Variants in CHFR observed in about 807,000 individuals in gnomAD.
The protein encoded by CHFR is checkpoint with forkhead and ring finger domains.
In CHFR, 57 loss-of-function variants were observed where a neutral mutation model predicts 87.6. The ratio of observed to expected loss-of-function variants is 0.65; its 90% CI spans 0.53 to 0.81. CHFR has a LOEUF of 0.81. Among genes scored for constraint, CHFR ranks in the 30% least tolerant of loss-of-function variants. The pLI, the probability that CHFR is intolerant of heterozygous loss-of-function variation, is 0.00. For synonymous variants in CHFR, 381 were observed against 359.2 expected, an observed-to-expected ratio of 1.06 and a Z score of -0.69; for missense variants, 797 against 865.8, an observed-to-expected ratio of 0.92 and a Z score of 1.00.
At chr12:132,848,378 C>T in intron 13 of CHFR, 1 of 851,364 alleles carries the variant, frequency 1.2e-6, no homozygotes, top group Non-Finnish European at 1.9e-6. Flanking sequence ...AGCACCTGGT[C>T]TTGGTATCGT....
chr12:132,861,380 T>C (rs1257297954), intron 7 of CHFR, 87 bp downstream of exon 7: 1 of 1,375,962 alleles, frequency 7.3e-7, no homozygotes, highest in Non-Finnish European at 1.0e-6. Flanking sequence ...CAGGAAGCAA[T>C]GCCCCACAGC....
chr12:132,887,271 G>A lies in CHFR; in HGVS notation c.58C>T (p.Leu20=), dbSNP rs1250940821. Residue 20 remains leucine, a synonymous_variant, in exon 2 of 18, where the codon CTG becomes TTG. Transcript: ENST00000450056. ...TCGCCCTCCTCCGCGCCCAGACGCA[G>A]GAGCCGTCCCCAGGGCTGCGGCGGC... The part of the protein sequence containing the change: ...SPPPQPWGRL[L]RLGAEEGEPH... The A allele has an allele frequency of 4.7e-6, 7 of 1,499,418 alleles. No individual in the cohort carries two copies. The highest frequency in any genetic ancestry group is 2.9e-5 in the African/African-American group (2 of 68,696). The allele number at this position is 1,499,418 out of a possible 1,614,324, so 92.9% of individuals were successfully genotyped here.
intron 2 of CHFR, among the ~76,000 whole-genome samples, chr12:132,879,459 C>T (rs9630294): frequency 0.15 from 22,596 of 149,744 alleles, 2,232 homozygotes; most frequent in Admixed American, 0.21. Context: ...GGCACGATCT[C>T]AGCTCACTGC....
intron 6 of CHFR, chr12:132,866,211 G>C (rs1951332059): frequency 6.6e-6 from 1 of 152,174 alleles, no homozygotes; most frequent in Admixed American, 6.5e-5. Flanking sequence ...CTGCAACTTA[G>C]TGTCCCCAAT....
Position 132,851,676 on chromosome 12 carries a change from C to A in CHFR, c.1434G>T (p.Gln478His), listed in dbSNP as rs775978433. The A allele has an allele frequency of 1.9e-5, 31 of 1,613,318 alleles. No homozygotes were observed. The highest frequency in any genetic ancestry group is 2.3e-5 in the Non-Finnish European group (27 of 1,179,968). The change falls in exon 12 of 18, where the codon CAG becomes CAT. Residue 478 changes from glutamine (Q) to histidine (H), a missense_variant. Transcript: ENST00000450056. ...GSHALCTCCF[Q>H]PMPDRRAERE... Reference sequence around the variant, plus strand: ...GCTCCGCTCTCCGGTCGGGCATGGGCTGGAAGCAGCAGGTGCACAGGGCGT... The same window carrying A: ...GCTCCGCTCTCCGGTCGGGCATGGGATGGAAGCAGCAGGTGCACAGGGCGT...
Position 132,834,256 on chromosome 12 carries a change from T to G in CHFR, c.*7298A>C, listed in dbSNP as rs1400328673. On this transcript the variant is annotated 3_prime_UTR_variant, in exon 18 of 18. Transcript: ENST00000450056. ...CATCAGGTCAGCAGTTAGAGCTGAGTGTCTGCCACAGAGACCTAGAGCTAC... is the reference window on the plus strand; with the variant it reads ...CATCAGGTCAGCAGTTAGAGCTGAGGGTCTGCCACAGAGACCTAGAGCTAC... 6.6e-6 allele frequency: 1 copy of G among 152,272 alleles called. No individual in the cohort carries two copies. The highest frequency in any genetic ancestry group is 1.5e-5 in the Non-Finnish European group (1 of 68,142). The allele number at this position is 152,272 out of a possible 1,614,324, so 9.4% of individuals were successfully genotyped here.
Position 132,887,296 on chromosome 12 carries a change from C to G in CHFR, c.33G>C (p.Pro11=), listed in dbSNP as rs1566211828. The change falls in exon 2 of 18, where the codon CCG becomes CCC. Residue 11 remains proline (P), a synonymous_variant. Coordinates refer to ENST00000450056, the MANE Select transcript of CHFR (RefSeq NM_001161346.2). Reference sequence around the variant, plus strand: ...GGAGCCGTCCCCAGGGCTGCGGCGGCGGCGACTGCTTGCCTTCCTCGGGCC... The same window carrying G: ...GGAGCCGTCCCCAGGGCTGCGGCGGGGGCGACTGCTTGCCTTCCTCGGGCC... MERPEEGKQS[P]PPQPWGRLLR... 2 of 1,483,224 alleles carry G rather than the reference C, an allele frequency of 1.3e-6. No individual in the cohort carries two copies. The highest frequency in any genetic ancestry group is 2.4e-5 in the Admixed American group (1 of 42,278). 91.9% of individuals were successfully genotyped at this position (1,483,224 alleles called of 1,614,324 possible).
chr12:132,878,370 G>A (rs1242105763), intron 2 of CHFR, among the ~76,000 whole-genome samples: 1 of 151,820 alleles, frequency 6.6e-6, no homozygotes, highest in Non-Finnish European at 1.5e-5. Flanking sequence ...TTGGGAGGCT[G>A]AGGCAGGAGA....
intron 9 of CHFR, 134 bp from the exon 10 acceptor site, chr12:132,856,764 G>T (rs1951079306): frequency 9.9e-7 from 1 of 1,015,088 alleles, no homozygotes; most frequent in East Asian, 2.4e-5. Context: ...ACGTGCCCGG[G>T]TGCTGGTGGA....
In CHFR at chr12:132,877,582, G is replaced by C; in HGVS notation, c.206C>G (p.Ser69Ter). 1 of 1,612,896 alleles carries C rather than the reference G, an allele frequency of 6.2e-7. No homozygotes were observed. The highest frequency in any genetic ancestry group is 8.5e-7 in the Non-Finnish European group (1 of 1,179,220). ...GGTATCTTCCAGTGTCACCTGACCTGATTTTTCATCCACTACAATTCTACA... is the reference window on the plus strand; with the variant it reads ...GGTATCTTCCAGTGTCACCTGACCTCATTTTTCATCCACTACAATTCTACA... ...DHCRIVVDEKSGQVTLEDTST... is the reference protein window; with the variant it reads ...DHCRIVVDEK The change falls in exon 3 of 18, where the codon TCA becomes TGA. Residue 69 changes from serine to a stop codon, truncating the protein, a stop_gained. Transcript: ENST00000450056. LOFTEE classifies it high-confidence loss of function.
chr12:132,850,052 C>G (rs889698266), intron 12 of CHFR: 3 of 152,136 alleles, frequency 2.0e-5, no homozygotes, highest in African/African-American at 4.8e-5. Context: ...CTCCCGGGTT[C>G]ACGCCATTCT....
In CHFR at chr12:132,843,058, G is replaced by T; in HGVS notation, c.1869C>A (p.Cys623Ter). ...GAGTGCGGCAGTTACGGCCCCAGTA[G>T]CAGTCAGGACGGGATGTTACGGCCA... is the stretch of plus-strand genomic sequence containing the variant. ...LPVAVTSRPD[C>*]YWGRNCRTQV... Residue 623 changes from cysteine to a stop codon, truncating the protein, a stop_gained, in exon 17 of 18, where the codon TGC (cysteine) becomes TGA (stop). Coordinates refer to ENST00000450056, the MANE Select transcript of CHFR (RefSeq NM_001161346.2). LOFTEE classifies it high-confidence loss of function. 2 of 1,613,560 alleles carry T rather than the reference G, an allele frequency of 1.2e-6. No homozygotes were observed. The highest frequency in any genetic ancestry group is 1.7e-6 in the Non-Finnish European group (2 of 1,179,812).
chr12:132,846,436 G>A (rs929224562), intron 15 of CHFR, among the ~76,000 whole-genome samples: 8 of 151,690 alleles, frequency 5.3e-5, no homozygotes, highest in South Asian at 2.1e-4. Flanking sequence ...CTAATTTTTT[G>A]TATTTTTCTT....
At position 132,883,331 on chromosome 12, in the gene CHFR, A is replaced by AAT. The variant is rs530385569; in HGVS notation, c.133+3864_133+3865insAT. Among the ~76,000 whole-genome samples, 305 of 151,196 alleles carry AAT rather than the reference A, an allele frequency of 2.0e-3. 3 individuals are homozygous for AAT. The highest frequency in any genetic ancestry group is 1.6e-3 in the East Asian group (8 of 5,104). ...ATCCCAGCTACTCTGGATGCTGAGG[A>AAT]AGGAGAATCACTTGAACCTGGGAGG... On this transcript the variant is annotated intron_variant, in intron 2 of 17. Coordinates refer to ENST00000450056, the MANE Select transcript of CHFR (RefSeq NM_001161346.2).
intron 2 of CHFR, among the ~76,000 whole-genome samples, chr12:132,880,594 C>T (rs1372872818): frequency 1.3e-5 from 2 of 150,084 alleles, no homozygotes; most frequent in Non-Finnish European, 2.9e-5. Context: ...GGAGGTGGAG[C>T]TTGCAGTGAG....
Position 132,833,583 on chromosome 12 carries a change from T to C in CHFR, c.*7971A>G, listed in dbSNP as rs1050160853. The C allele has an allele frequency of 2.0e-5, 3 of 151,912 alleles. No individual in the cohort carries two copies. Among genetic ancestry groups the C allele is most frequent in the African/African-American group, 7.3e-5 (3 of 41,322 alleles). The allele number at this position is 151,912 out of a possible 1,614,324, so 9.4% of individuals were successfully genotyped here. A position where few individuals can be genotyped will look rare whatever the true frequency, so the allele number is the denominator to read the frequency against. ...CCTGGAATCCCAGCACTGTGGGAGGTAGAGGCGGGCAGATCGCTTGAACTC... is the reference window on the plus strand; with the variant it reads ...CCTGGAATCCCAGCACTGTGGGAGGCAGAGGCGGGCAGATCGCTTGAACTC... On this transcript the variant is annotated 3_prime_UTR_variant, in exon 18 of 18. Coordinates refer to ENST00000450056, the MANE Select transcript of CHFR (RefSeq NM_001161346.2).
intron 2 of CHFR, among the ~76,000 whole-genome samples, chr12:132,886,636 T>A (rs1195156082): frequency 6.6e-6 from 1 of 152,212 alleles, no homozygotes; most frequent in Non-Finnish European, 1.5e-5. Context: ...AGTTTTTAGC[T>A]TTCCAGGTTT....
chr12:132,881,124 C>T (rs907608182), intron 2 of CHFR, among the ~76,000 whole-genome samples: 6 of 151,836 alleles, frequency 4.0e-5, no homozygotes, highest in Non-Finnish European at 5.9e-5. Context: ...AAAAATTAGC[C>T]GGGCATGGTA....
rs138280939 is a variant in CHFR, at chr12:132,857,532, G to A, written c.939C>T (p.Cys313=). 33 of 1,614,014 alleles carry A rather than the reference G, an allele frequency of 2.0e-5. No homozygotes were observed. Among genetic ancestry groups the A allele is most frequent in the Middle Eastern group, 3.3e-4 (2 of 6,084 alleles). ...CCATCCAGCCCGAGTAGCAAGCCGC[G>A]CAGAACGTGTGCATGCAGGGCTGCA... ...VSLQPCMHTF[C]AACYSGWMER... is the part of the protein sequence containing the mutation. The change falls in exon 9 of 18, where the codon TGC becomes TGT. Residue 313 remains cysteine, a synonymous_variant. Coordinates refer to ENST00000450056, the MANE Select transcript of CHFR (RefSeq NM_001161346.2).
Sources: allele counts gnomAD v4.1 joint callset (sites outside exome capture counted in the v4.1 genomes callset), GRCh38; gene constraint gnomAD v4.1.1; transcripts MANE v1.5; gene names NCBI Gene and HGNC (gene_info 2026-07-23, HGNC 2026-07-21).